The following USP6 variants were observed in gnomAD, a reference collection of about 807,000 sequenced individuals.
USP6 encodes ubiquitin specific peptidase 6.
A neutral mutation model predicts 175.7 loss-of-function variants in USP6; 128 were observed. The observed-to-expected ratio is 0.73, with a 90% CI of 0.63 to 0.84. USP6 has a LOEUF of 0.84. Ranked by LOEUF, USP6 falls within the 40% of genes least tolerant of loss-of-function variation. The pLI, the probability that USP6 is intolerant of heterozygous loss-of-function variation, is 0.00. For synonymous variants in USP6, 562 were observed against 630.6 expected, an observed-to-expected ratio of 0.89 and a Z score of 1.63; for missense variants, 1,498 against 1,760.3, an observed-to-expected ratio of 0.85 and a Z score of 2.67.
intron 4 of USP6, among the ~76,000 whole-genome samples, chr17:5,122,217 T>G (rs924035822): frequency 1.7e-4 from 26 of 151,926 alleles, no homozygotes; most frequent in African/African-American, 6.0e-4. Flanking sequence ...ACTGGATGCC[T>G]GGATCTCAGG....
intron 11 of USP6, among the ~76,000 whole-genome samples, chr17:5,131,506 T>C (rs1174314733): frequency 6.8e-6 from 1 of 147,730 alleles, no homozygotes; most frequent in African/African-American, 2.5e-5. Context: ...CCAGCAGGTC[T>C]CTGAGGGCCC....
At chr17:5,160,433 A>G (rs1320897806) in intron 31 of USP6, among the ~76,000 whole-genome samples, 4 of 152,162 alleles carry the variant, frequency 2.6e-5, no homozygotes, top group Admixed American at 1.3e-4. Context: ...TAGGAATTGT[A>G]TATACATCTA....
intron 2 of USP6, 51 bp downstream of exon 2, chr17:5,118,341 G>C (rs1304615939): frequency 6.6e-6 from 1 of 152,504 alleles, no homozygotes. Context: ...ACCAGCATGA[G>C]CAAGCTCTTT....
At chr17:5,171,727 G>T (rs371318120) in intron 37 of USP6, 48 bp downstream of exon 37, 504 of 1,573,900 alleles carry the variant, frequency 3.2e-4, no homozygotes, top group Non-Finnish European at 3.9e-4. Flanking sequence ...CAACAGAACT[G>T]GGGAACATTT....
Position 5,170,687 on chromosome 17 carries a change from C to T in USP6, c.3726C>T (p.Ala1242=), listed in dbSNP as rs2074195886. ...GAGQICELAD[A]LSRGHMRGGS... is the part of the protein sequence containing the mutation. ...GGCAGATCTGTGAGCTGGCTGACGCCTTGAGCCGAGGGCATATGCGGGGGG... is the reference window on the plus strand; with the variant it reads ...GGCAGATCTGTGAGCTGGCTGACGCTTTGAGCCGAGGGCATATGCGGGGGG... The change falls in exon 36 of 38, where the codon GCC becomes GCT. Residue 1242 remains alanine (A), a synonymous_variant. Transcript: ENST00000574788. The T allele has an allele frequency of 6.2e-7, 1 of 1,613,824 alleles. No homozygotes were observed. The highest frequency in any genetic ancestry group is 1.3e-5 in the African/African-American group (1 of 74,908).
At chr17:5,163,410 C>T (rs1043369977) in intron 33 of USP6, among the ~76,000 whole-genome samples, 1 of 152,140 alleles carries the variant, frequency 6.6e-6, no homozygotes, top group African/African-American at 2.4e-5. Flanking sequence ...GAGGACCAAA[C>T]AGGAGGAAGA....
chr17:5,142,134 C>T lies in USP6; in HGVS notation c.1705C>T (p.Leu569Phe), dbSNP rs2073466092. 3.1e-6 allele frequency: 5 copies of T among 1,611,924 alleles called. No individual in the cohort carries two copies. The highest frequency in any genetic ancestry group is 4.2e-6 in the Non-Finnish European group (5 of 1,179,220). The change falls in exon 24 of 38, where the codon CTC becomes TTC. Residue 569 changes from leucine (L) to phenylalanine (F), a missense_variant. This residue lies in a region of USP6 where 1,217 missense variants were observed against 1,500.8 expected (regional missense o/e 0.81). Coordinates refer to ENST00000574788, the MANE Select transcript of USP6 (RefSeq NM_001304284.2). ...TATCTCAGGGAGACATCTTTATGAA[C>T]TCAACAGGTAAACTTTCTTGAGTCA... ...YFISGRHLYELNRTNPIGMKG... is the reference protein window; with the variant it reads ...YFISGRHLYEFNRTNPIGMKG...
rs919663982 is a variant in USP6 at position 5,144,995 on chromosome 17, A to G, written c.1992+132A>G. On this transcript the variant is annotated intron_variant, in intron 26 of 37. Coordinates refer to ENST00000574788, the MANE Select transcript of USP6 (RefSeq NM_001304284.2). ...TTACTGCAAAAATTAAGGAATTTCT[A>G]TTTCTATGCTTAATTGTTATGTGAT... is the stretch of plus-strand genomic sequence containing the variant. The G allele has an allele frequency of 1.3e-5, 18 of 1,338,548 alleles. 1 individual carries two copies. The highest frequency in any genetic ancestry group is 1.2e-4 in the African/African-American group (8 of 66,834). The allele number at this position is 1,338,548 out of a possible 1,614,324, so 82.9% of individuals were successfully genotyped here.
intron 15 of USP6, chr17:5,134,979 G>A: frequency 2.3e-6 from 1 of 434,082 alleles, no homozygotes; most frequent in Admixed American, 3.2e-5. Context: ...GACTGAACTG[G>A]TGTGTGTGCA....
chr17:5,146,097 A>AAC lies in USP6; in HGVS notation c.2243_2244insCA (p.Lys748AsnfsTer5). 1 of 1,613,340 alleles carries AAC rather than the reference A, an allele frequency of 6.2e-7. No individual in the cohort carries two copies. The highest frequency in any genetic ancestry group is 8.5e-7 in the Non-Finnish European group (1 of 1,179,492). ...TATGGATGAAAAGTACACAGGTTTA[A>AAC]AAAAACAGCTGAGGGATCTCTGTGG... On this transcript the variant is annotated frameshift_variant, in exon 28 of 38. Coordinates refer to ENST00000574788, the MANE Select transcript of USP6 (RefSeq NM_001304284.2). LOFTEE classifies it high-confidence loss of function.
chr17:5,164,729 A>G (rs2074067011), intron 33 of USP6, among the ~76,000 whole-genome samples: 1 of 152,228 alleles, frequency 6.6e-6, no homozygotes, highest in South Asian at 2.1e-4. Flanking sequence ...TCGGGGCTCC[A>G]CTACATGTAG....
chr17:5,146,245 T>A, intron 28 of USP6, 71 bp downstream of exon 28: 1 of 1,504,424 alleles, frequency 6.6e-7, no homozygotes, highest in Non-Finnish European at 8.9e-7. Flanking sequence ...ATTATGATGA[T>A]CAGTTGTTAG....
chr17:5,144,913 CCACAA>C (rs1272089006), intron 26 of USP6, 50 bp downstream of exon 26: 1 of 1,531,004 alleles, frequency 6.5e-7, no homozygotes, highest in African/African-American at 1.4e-5. Context: ...AATGTTCTGA[CCACAA>C]ATACATGTAG....
Position 5,170,806 on chromosome 17 carries a change from G to A in USP6, c.3845G>A (p.Gly1282Asp), listed in dbSNP as rs767204961. The change falls in exon 36 of 38, where the codon GGC becomes GAC. Residue 1282 changes from glycine (G) to aspartate (D), a missense_variant. This residue lies in a region of USP6 where 1,217 missense variants were observed against 1,500.8 expected (regional missense o/e 0.81). Transcript: ENST00000574788. ...YEHEACGNGC[G>D]DGYSNGQLGN... ...CATGAAGCATGTGGCAATGGCTGTG[G>A]CGATGGCTACAGCAATGGTCAGCTT... is the stretch of plus-strand genomic sequence containing the variant. 23 of 1,613,734 alleles carry A rather than the reference G, an allele frequency of 1.4e-5. No individual in the cohort carries two copies. Among genetic ancestry groups the A allele is most frequent in the Admixed American group, 1.7e-5 (1 of 60,022 alleles).
At position 5,132,456 on chromosome 17, in the gene USP6, G is replaced by C. The variant is rs1179214232; in HGVS notation, c.195+21G>C. The C allele has an allele frequency of 6.2e-7, 1 of 1,611,982 alleles. No homozygotes were observed. Among genetic ancestry groups the C allele is most frequent in the African/African-American group, 1.3e-5 (1 of 74,868 alleles). ...CGAAGGTAAGAGCCTGATGCGTGGA[G>C]GGGCTGGTCCAGGGACGTAGGGACT... On this transcript the variant is annotated intron_variant, in intron 12 of 37. Coordinates refer to ENST00000574788, the MANE Select transcript of USP6 (RefSeq NM_001304284.2). The surrounding 1 kb of genome is among the most constrained non-coding windows in gnomAD (Gnocchi z 4.7).
chr17:5,152,004 C>T (rs118190384), intron 30 of USP6, among the ~76,000 whole-genome samples: 120 of 152,106 alleles, frequency 7.9e-4, no homozygotes, highest in Non-Finnish European at 1.2e-3. Context: ...TTTGAGAGGC[C>T]GAGATGAGAC....
At chr17:5,122,748 G>C (rs929634375) in intron 4 of USP6, among the ~76,000 whole-genome samples, 1 of 152,232 alleles carries the variant, frequency 6.6e-6, no homozygotes, top group Non-Finnish European at 1.5e-5. Flanking sequence ...ACCCGCAGCG[G>C]GTATCCCCAA....
intron 30 of USP6, among the ~76,000 whole-genome samples, chr17:5,154,871 C>T (rs1340873379): frequency 6.6e-6 from 1 of 152,122 alleles, no homozygotes; most frequent in African/African-American, 2.4e-5. Flanking sequence ...ATAGGTGGGA[C>T]TACAGACACA....
At chr17:5,158,275 A>G (rs1198645067) in intron 31 of USP6, among the ~76,000 whole-genome samples, 1 of 152,100 alleles carries the variant, frequency 6.6e-6, no homozygotes, top group Non-Finnish European at 1.5e-5. Context: ...GAAGCATCAA[A>G]AGAGATCGAG....
Sources: gnomAD v4.1 joint callset for allele counts (sites outside exome capture counted in the v4.1 genomes callset) on GRCh38, gnomAD v4.1.1 for gene constraint, gnomAD v4.1.1 regional missense constraint, Gnocchi (gnomAD v3.1) non-coding constraint, MANE v1.5 for transcripts, NCBI Gene and HGNC (gene_info 2026-07-23, HGNC 2026-07-21) for gene names.